Variants in REEP1 observed in about 807,000 individuals in gnomAD.
REEP1 encodes receptor accessory protein 1, also known as receptor expression-enhancing protein 1.
REEP1 carries 22 observed loss-of-function variants against 40.3 expected under a neutral mutation model. The ratio of observed to expected loss-of-function variants is 0.55; its 90% CI spans 0.39 to 0.78. The LOEUF is 0.78. REEP1 is among the 30% of genes least tolerant of loss of function. REEP1 has a pLI of 0.00. For synonymous variants in REEP1, 116 were observed against 139.2 expected, an observed-to-expected ratio of 0.83 and a Z score of 1.17; for missense variants, 280 against 361.1, an observed-to-expected ratio of 0.78 and a Z score of 1.82.
intron 6 of REEP1, among the ~76,000 whole-genome samples, chr2:86,231,243 C>T (rs577471419): frequency 3.3e-4 from 50 of 152,226 alleles, no homozygotes; most frequent in African/African-American, 1.2e-3. Context: ...GGGGGGGGGT[C>T]CCTCGGGGGG....
intron 1 of REEP1, among the ~76,000 whole-genome samples, chr2:86,320,895 G>A (rs181987180): frequency 7.2e-5 from 11 of 152,218 alleles, no homozygotes; most frequent in Admixed American, 5.2e-4. Flanking sequence ...CTCGGCTCAC[G>A]GCAACCTCCG....
intron 5 of REEP1, among the ~76,000 whole-genome samples, chr2:86,245,646 C>T (rs1267268449): frequency 6.6e-6 from 1 of 152,136 alleles, no homozygotes; most frequent in Non-Finnish European, 1.5e-5. Flanking sequence ...CATTTTGCAA[C>T]TGGCCCCCTG....
chr2:86,268,694 T>C (rs939438802), intron 2 of REEP1, among the ~76,000 whole-genome samples: 1 of 152,214 alleles, frequency 6.6e-6, no homozygotes, highest in East Asian at 1.9e-4. Flanking sequence ...AAGAACAACA[T>C]TGAAAGACTA....
At chr2:86,268,968 T>C (rs1286678188) in intron 2 of REEP1, among the ~76,000 whole-genome samples, 2 of 152,192 alleles carry the variant, frequency 1.3e-5, no homozygotes, top group Non-Finnish European at 2.9e-5. Flanking sequence ...TGACCTTACA[T>C]CTTTCACAAA....
intron 1 of REEP1, among the ~76,000 whole-genome samples, chr2:86,305,392 A>G (rs1158392320): frequency 6.6e-6 from 1 of 152,150 alleles, no homozygotes; most frequent in African/African-American, 2.4e-5. Flanking sequence ...TCTGGTCTGC[A>G]CCAGCTGAGC....
intron 2 of REEP1, among the ~76,000 whole-genome samples, chr2:86,265,479 A>C (rs1340920885): frequency 6.6e-6 from 1 of 152,222 alleles, no homozygotes; most frequent in Non-Finnish European, 1.5e-5. Context: ...CTGCTAGAAC[A>C]ACACTCAACA....
intron 1 of REEP1, among the ~76,000 whole-genome samples, chr2:86,332,470 C>CACACACACAT: frequency 6.6e-6 from 1 of 151,724 alleles, no homozygotes; most frequent in African/African-American, 2.4e-5. Flanking sequence ...CACACACACA[C>CACACACACAT]ACACGTTCAC....
intron 6 of REEP1, among the ~76,000 whole-genome samples, 193 bp from the exon 7 acceptor site, chr2:86,227,591 CAGA>C (rs1019573523): frequency 2.0e-5 from 3 of 152,112 alleles, no homozygotes; most frequent in African/African-American, 7.2e-5. Flanking sequence ...TGCTCAGGTG[CAGA>C]AGATACCCTC....
intron 1 of REEP1, among the ~76,000 whole-genome samples, chr2:86,292,884 C>A (rs1240484317): frequency 6.6e-6 from 1 of 152,134 alleles, no homozygotes; most frequent in East Asian, 1.9e-4. Flanking sequence ...GCCCAGCCAA[C>A]TTTGAGTGCA....
chr2:86,308,590 C>T (rs931339533), intron 1 of REEP1, among the ~76,000 whole-genome samples: 6 of 152,242 alleles, frequency 3.9e-5, no homozygotes, highest in African/African-American at 7.2e-5. Flanking sequence ...GTTTCAGAAC[C>T]GCCCTGGGTC....
chr2:86,269,996 A>G (rs1677349065), intron 2 of REEP1, among the ~76,000 whole-genome samples: 1 of 152,164 alleles, frequency 6.6e-6, no homozygotes, highest in Non-Finnish European at 1.5e-5. Context: ...AAGAAAACAA[A>G]CAACCCAATT....
intron 6 of REEP1, among the ~76,000 whole-genome samples, chr2:86,231,687 A>G (rs977174300): frequency 5.3e-5 from 8 of 152,052 alleles, no homozygotes; most frequent in Non-Finnish European, 1.0e-4. Flanking sequence ...AGAAGTGGTG[A>G]TCCAGAACCG....
rs890846985 is a variant in REEP1, at chr2:86,297,642, G to T, written c.33-15400C>A. The T allele has an allele frequency of 6.5e-6, 6 of 918,882 alleles. No individual in the cohort carries two copies. The African/African-American group carries it at 7.2e-5, about 11-fold the overall frequency. The allele number at this position is 918,882 out of a possible 1,614,324, so 56.9% of individuals were successfully genotyped here. On this transcript the variant is annotated intron_variant, in intron 1 of 8. Coordinates refer to ENST00000538924, the MANE Select transcript of REEP1 (RefSeq NM_001371279.1). ...ACCTGCAAGAGAGATTCTCCCCGGG[G>T]GTTGGAGGGAGGAAGAGAACACTTA...
intron 1 of REEP1, among the ~76,000 whole-genome samples, chr2:86,310,425 C>A (rs1357307774): frequency 6.6e-6 from 1 of 152,120 alleles, no homozygotes; most frequent in Non-Finnish European, 1.5e-5. Context: ...ATAGGCCATA[C>A]CATGTAGCCT....
At chr2:86,258,414 A>G (rs1018136081) in intron 3 of REEP1, among the ~76,000 whole-genome samples, 1 of 152,222 alleles carries the variant, frequency 6.6e-6, no homozygotes, top group East Asian at 1.9e-4. Context: ...ATGGCCTGAA[A>G]GCTCAAAACA....
At position 86,217,129 on chromosome 2, in the gene REEP1, AG is replaced by A; in HGVS notation, c.784-20del. On this transcript the variant is annotated intron_variant, in intron 8 of 8. Coordinates refer to ENST00000538924, the MANE Select transcript of REEP1 (RefSeq NM_001371279.1). Reference sequence around the variant, plus strand: ...GCGGTGCCTGGTAGAGAAAACAGAAAGGTGTCCCTCAGTTTGGTGTAAATGT... The same window carrying A: ...GCGGTGCCTGGTAGAGAAAACAGAAAGTGTCCCTCAGTTTGGTGTAAATGT... The A allele has an allele frequency of 2.5e-6, 4 of 1,607,214 alleles. No homozygotes were observed. The highest frequency in any genetic ancestry group is 3.4e-6 in the Non-Finnish European group (4 of 1,174,260).
At chr2:86,330,107 G>T (rs935236326) in intron 1 of REEP1, among the ~76,000 whole-genome samples, 3 of 152,112 alleles carry the variant, frequency 2.0e-5, no homozygotes, top group Non-Finnish European at 4.4e-5. Context: ...CTTGACTCAC[G>T]AACAGAATAA....
chr2:86,244,547 C>A (rs1675829624), intron 5 of REEP1, among the ~76,000 whole-genome samples: 1 of 152,156 alleles, frequency 6.6e-6, no homozygotes, highest in African/African-American at 2.4e-5. Flanking sequence ...AAGCAGAGGT[C>A]ATGGTGTGAA....
At chr2:86,227,445 C>A in intron 6 of REEP1, 47 bp from the exon 7 acceptor site, 1 of 1,230,066 alleles carries the variant, frequency 8.1e-7, no homozygotes. Flanking sequence ...CCCCACTGGA[C>A]AGGAACCAGC....
Sources: gnomAD v4.1 joint callset for allele counts (sites outside exome capture counted in the v4.1 genomes callset) on GRCh38, gnomAD v4.1.1 for gene constraint, MANE v1.5 for transcripts, NCBI Gene and HGNC (gene_info 2026-07-23, HGNC 2026-07-21) for gene names.